PRDM4: variants seen among roughly 807,000 people sequenced by gnomAD.
The protein encoded by PRDM4 is PR/SET domain 4, also known as PR domain zinc finger protein 4.
A neutral mutation model predicts 62.3 loss-of-function variants in PRDM4; 38 were observed. The ratio of observed to expected loss-of-function variants is 0.61; its 90% CI spans 0.47 to 0.80. The LOEUF (loss-of-function observed/expected upper bound fraction) is 0.80. Ranked by LOEUF, PRDM4 falls within the 30% of genes least tolerant of loss-of-function variation. The pLI is 0.00. For missense variants in PRDM4, 858 were observed against 997.1 expected, an observed-to-expected ratio of 0.86 and a Z score of 1.88; for synonymous variants, 339 against 348.2, an observed-to-expected ratio of 0.97 and a Z score of 0.30.
chr12:107,745,804 A>G (rs1890682776), intron 6 of PRDM4, among the ~76,000 whole-genome samples: 1 of 152,230 alleles, frequency 6.6e-6, no homozygotes, highest in African/African-American at 2.4e-5. Flanking sequence ...GTAACTCAGA[A>G]GCCATGCTAA....
chr12:107,759,246 CTG>C (rs950083459), intron 2 of PRDM4, among the ~76,000 whole-genome samples: 5 of 152,124 alleles, frequency 3.3e-5, no homozygotes, highest in Non-Finnish European at 7.3e-5. Context: ...CAGAGTGAGA[CTG>C]TGTCTTAAAA....
rs1890450444 is a variant in PRDM4, at chr12:107,739,674, AT to A, written c.1925-124del. The A allele has an allele frequency of 6.0e-6, 6 of 996,392 alleles. No individual in the cohort carries two copies. The South Asian group carries it at 8.7e-5, about 14-fold the overall frequency. 61.7% of individuals were successfully genotyped at this position (996,392 alleles called of 1,614,324 possible). On this transcript the variant is annotated intron_variant, in intron 10 of 11. Coordinates refer to ENST00000228437, the MANE Select transcript of PRDM4 (RefSeq NM_012406.4). The stretch of plus-strand genomic sequence containing the variant: ...GAAACAGAGCTGACTGGTAAGCAGC[AT>A]TTTACTTTCTAGGGTTGTCTATGTG...
intron 6 of PRDM4, among the ~76,000 whole-genome samples, chr12:107,745,215 G>A (rs929093050): frequency 2.6e-5 from 4 of 152,114 alleles, no homozygotes. Context: ...AGGAATTCCT[G>A]AACCTAGTTT....
Position 107,744,570 on chromosome 12 carries a change from T to C in PRDM4, c.1368A>G (p.Thr456=). 6.2e-7 allele frequency: 1 copy of C among 1,613,812 alleles called. No homozygotes were observed. The highest frequency in any genetic ancestry group is 8.5e-7 in the Non-Finnish European group (1 of 1,179,732). The change falls in exon 7 of 12, where the codon ACA becomes ACG. Residue 456 remains threonine, a synonymous_variant. Coordinates refer to ENST00000228437, the MANE Select transcript of PRDM4 (RefSeq NM_012406.4). ...TCCAGATATGGTTAACTGCCTTGTC[T>C]GTCCATTCTGCTACTTCCATGGAGT... ...QSHSMEVAEW[T]DKAVNHIWKI...
At chr12:107,740,151 A>G (rs1446442472) in intron 10 of PRDM4, among the ~76,000 whole-genome samples, 1 of 152,198 alleles carries the variant, frequency 6.6e-6, no homozygotes, top group African/African-American at 2.4e-5. Flanking sequence ...GATGACCCCA[A>G]CAAGAAAGCT....
At chr12:107,739,113 C>A in intron 11 of PRDM4, 1 of 345,742 alleles carries the variant, frequency 2.9e-6, no homozygotes, top group Non-Finnish European at 5.3e-6. Flanking sequence ...GTCAATAGTC[C>A]TTTTTGTCTC....
At chr12:107,743,138 C>A (rs1890574752) in intron 8 of PRDM4, 59 bp downstream of exon 8, 1 of 1,353,308 alleles carries the variant, frequency 7.4e-7, no homozygotes, top group Non-Finnish European at 1.1e-6. Flanking sequence ...TTATGCAAAG[C>A]TTCCTATTGA....
chr12:107,754,097 G>A lies in PRDM4; in HGVS notation c.158C>T (p.Ala53Val). Residue 53 changes from alanine to valine, a missense_variant, in exon 4 of 12, where the codon GCA becomes GTA. By Grantham distance (64) the Ala-to-Val change is moderately conservative. Around this residue, in one of 3 missense-constraint regions of PRDM4, gnomAD observed 499 missense variants for 546.7 expected, o/e 0.91. Transcript: ENST00000228437. ...SAIPAPGLPVAIPNLGPSLSS... is the reference protein window; with the variant it reads ...SAIPAPGLPVVIPNLGPSLSS... ...CAGGGAGGGACCCAGGTTTGGAATT[G>A]CCACTGGGAGGCCTACAAAACAAAA... The A allele has an allele frequency of 6.3e-7, 1 of 1,591,174 alleles. No individual in the cohort carries two copies. The highest frequency in any genetic ancestry group is 8.5e-7 in the Non-Finnish European group (1 of 1,170,974).
At chr12:107,756,047 G>A (rs1475156194) in intron 3 of PRDM4, among the ~76,000 whole-genome samples, 1 of 152,084 alleles carries the variant, frequency 6.6e-6, no homozygotes, top group Non-Finnish European at 1.5e-5. Context: ...CCGAGATCGT[G>A]CCATTGCACT....
intron 6 of PRDM4, 41 bp downstream of exon 6, chr12:107,746,231 GGAA>G (rs769093847): frequency 6.3e-7 from 1 of 1,598,584 alleles, no homozygotes; most frequent in Non-Finnish European, 8.5e-7. Context: ...ACGCTACAAA[GGAA>G]GAAGAGATGT....
In PRDM4 at chr12:107,761,060, C is replaced by G. The variant is rs981788848; in HGVS notation, c.-360G>C. ...GCCCGTCCGCTCGGCCCCCTCACCC[C>G]GGGGGCCGCTGCCCTAACGTTTCCC... On this transcript the variant is annotated 5_prime_UTR_variant, in exon 1 of 12. Coordinates refer to ENST00000228437, the MANE Select transcript of PRDM4 (RefSeq NM_012406.4). 1 of 151,626 alleles carries G rather than the reference C, an allele frequency of 6.6e-6. No individual in the cohort carries two copies. Among genetic ancestry groups the G allele is most frequent in the African/African-American group, 2.4e-5 (1 of 41,356 alleles). The allele number at this position is 151,626 out of a possible 1,614,324, so 9.4% of individuals were successfully genotyped here.
In PRDM4 at chr12:107,739,457, A is replaced by G; in HGVS notation, c.2019T>C (p.Asn673=). ...SHMVIHTGEK[N]LKCDYCDKLF... is the part of the protein sequence containing the mutation. ...ACTTGTCACAGTAATCACACTTAAGATTCTTCTCCCCAGTGTGGATAACCA... is the reference window on the plus strand; with the variant it reads ...ACTTGTCACAGTAATCACACTTAAGGTTCTTCTCCCCAGTGTGGATAACCA... The change falls in exon 11 of 12, where the codon AAT becomes AAC. Residue 673 remains asparagine, a synonymous_variant. Coordinates refer to ENST00000228437, the MANE Select transcript of PRDM4 (RefSeq NM_012406.4). 1 of 1,613,950 alleles carries G rather than the reference A, an allele frequency of 6.2e-7. No individual in the cohort carries two copies. Among genetic ancestry groups the G allele is most frequent in the Non-Finnish European group, 8.5e-7 (1 of 1,179,846 alleles).
intron 8 of PRDM4, 31 bp downstream of exon 8, chr12:107,743,166 A>C: frequency 6.6e-7 from 1 of 1,510,582 alleles, no homozygotes; most frequent in African/African-American, 1.4e-5. Context: ...CTAAATGGTA[A>C]CTATTTTTTC....
Position 107,752,154 on chromosome 12 carries a change from A to C in PRDM4, c.387T>G (p.Ser129=). 1.2e-6 allele frequency: 2 copies of C among 1,600,046 alleles called. No homozygotes were observed. ...ATGCTGTATTACCATCAACATTTAT[A>C]GAGTTAGGGTGGATGTACTGTGGAG... is the stretch of plus-strand genomic sequence containing the variant. ...RPPPQYIHPN[S]INVDGNTALS... is the part of the protein sequence containing the mutation. Residue 129 remains serine, a synonymous_variant, in exon 5 of 12, where the codon TCT becomes TCG. Coordinates refer to ENST00000228437, the MANE Select transcript of PRDM4 (RefSeq NM_012406.4).
intron 11 of PRDM4, among the ~76,000 whole-genome samples, chr12:107,734,771 C>T (rs1434853016): frequency 6.6e-6 from 1 of 152,060 alleles, no homozygotes; most frequent in Non-Finnish European, 1.5e-5. Flanking sequence ...TTTCTTTTGT[C>T]TTGCTGCATT....
chr12:107,744,788 G>C (rs117307558), intron 6 of PRDM4, 127 bp from the exon 7 acceptor site: 1 of 1,313,540 alleles, frequency 7.6e-7, no homozygotes. Flanking sequence ...GGCTGGGCGT[G>C]GTGGCTCACG....
At position 107,752,049 on chromosome 12, in the gene PRDM4, T is replaced by C. The variant is rs1565832514; in HGVS notation, c.492A>G (p.Ser164=). 6.2e-7 allele frequency: 1 copy of C among 1,614,168 alleles called. No individual in the cohort carries two copies. The highest frequency in any genetic ancestry group is 1.7e-5 in the Admixed American group (1 of 60,024). ...GTGTGTTCACAGAGCGAGAGTCTATTGAAACAATGCCTGGTTCTAATCCAA... is the reference window on the plus strand; with the variant it reads ...GTGTGTTCACAGAGCGAGAGTCTATCGAAACAATGCCTGGTTCTAATCCAA... The part of the protein sequence containing the change: ...GNVGLEPGIV[S]IDSRSVNTHG... The change falls in exon 5 of 12, where the codon TCA becomes TCG. Residue 164 remains serine, a synonymous_variant. Transcript: ENST00000228437.
chr12:107,757,075 C>T (rs1380099119), intron 2 of PRDM4, 110 bp from the exon 3 acceptor site: 20 of 1,089,436 alleles, frequency 1.8e-5, no homozygotes, highest in Non-Finnish European at 2.7e-5. Context: ...ACTTGGCCAA[C>T]TATTAGTTCA....
At chr12:107,752,344 C>T in intron 4 of PRDM4, 135 bp from the exon 5 acceptor site, 2 of 696,516 alleles carry the variant, frequency 2.9e-6, no homozygotes, top group Non-Finnish European at 4.7e-6. Context: ...TCGATACACA[C>T]TATTTTATAA....
Sources: gnomAD v4.1 joint callset for allele counts (sites outside exome capture counted in the v4.1 genomes callset) on GRCh38, gnomAD v4.1.1 for gene constraint, gnomAD v4.1.1 regional missense constraint, MANE v1.5 for transcripts, NCBI Gene and HGNC (gene_info 2026-07-23, HGNC 2026-07-21) for gene names.